The following KIF18A variants were observed in gnomAD, a reference collection of about 807,000 sequenced individuals.
KIF18A encodes the protein kinesin-like protein KIF18A.
In KIF18A, 67 loss-of-function variants were observed where a neutral mutation model predicts 103.3. That is an observed-to-expected ratio of 0.65 (90% CI 0.53 to 0.79). The LOEUF is 0.79. Ranked by LOEUF, KIF18A falls within the 30% of genes least tolerant of loss-of-function variation. The pLI is 0.00. For missense variants in KIF18A, 1,032 were observed against 1,062.5 expected, an observed-to-expected ratio of 0.97 and a Z score of 0.40; for synonymous variants, 367 against 355.5, an observed-to-expected ratio of 1.03 and a Z score of -0.36.
chr11:28,082,416 A>G (rs942798639), intron 9 of KIF18A, among the ~76,000 whole-genome samples: 6 of 152,148 alleles, frequency 3.9e-5, no homozygotes, highest in Non-Finnish European at 8.8e-5. Flanking sequence ...GTCAGATGCC[A>G]TAAACATTGA....
At chr11:28,069,711 A>G (rs1273551063) in intron 10 of KIF18A, among the ~76,000 whole-genome samples, 1 of 151,408 alleles carries the variant, frequency 6.6e-6, no homozygotes, top group African/African-American at 2.4e-5. Context: ...TTTTGGCGTT[A>G]AAGTACAGTC....
Position 28,094,725 on chromosome 11 carries a change from T to C in KIF18A, c.401A>G (p.Tyr134Cys). Residue 134 changes from tyrosine (Y) to cysteine (C), a missense_variant, in exon 3 of 17, where the codon TAT becomes TGT. By Grantham distance (194) the Tyr-to-Cys change is radical. Coordinates refer to ENST00000263181, the MANE Select transcript of KIF18A (RefSeq NM_031217.4). ...LGSADEPGVM[Y>C]LTMLHLYKCM... is the part of the protein sequence containing the mutation. ...TTTGTAAAGGTGTAACATTGTTAGA[T>C]ACATCACTCCAGGTTCATCAGCTGA... 1 of 1,613,420 alleles carries C rather than the reference T, an allele frequency of 6.2e-7. No individual in the cohort carries two copies. Among genetic ancestry groups the C allele is most frequent in the Non-Finnish European group, 8.5e-7 (1 of 1,179,360 alleles).
intron 13 of KIF18A, among the ~76,000 whole-genome samples, chr11:28,042,250 A>G (rs778915329): frequency 1.3e-5 from 2 of 151,600 alleles, no homozygotes; most frequent in Non-Finnish European, 1.5e-5. Context: ...AATGAAGTTC[A>G]CCTCCTAGGA....
rs775297730 is a variant in KIF18A, at chr11:28,097,748, T to C, written c.200A>G (p.Lys67Arg). The change falls in exon 2 of 17, where the codon AAA (lysine) becomes AGA (arginine). Residue 67 changes from lysine (K) to arginine (R), a missense_variant. Transcript: ENST00000263181. ...TACAAATTTAAGATCCTTATTTTGTTTCTTTATAACATTTTGATTTGTAGT... is the reference window on the plus strand; with the variant it reads ...TACAAATTTAAGATCCTTATTTTGTCTCTTTATAACATTTTGATTTGTAGT... ...KKTTNQNVIKKQNKDLKFVFD... is the reference protein window; with the variant it reads ...KKTTNQNVIKRQNKDLKFVFD... 70 of 1,611,376 alleles carry C rather than the reference T, an allele frequency of 4.3e-5. 2 individuals are homozygous for C. The South Asian group carries it at 7.0e-4, about 16-fold the overall frequency.
In KIF18A at chr11:28,036,204, TA is replaced by T; in HGVS notation, c.2396+12del. ...TTAAAAAAAAAGAATTGGCAAATAT[TA>T]TTTTTTTGTACCGTTGTAAAATGTC... is the stretch of plus-strand genomic sequence containing the variant. On this transcript the variant is annotated intron_variant, in intron 14 of 16. Transcript: ENST00000263181. 6.6e-7 allele frequency: 1 copy of T among 1,514,128 alleles called. No individual in the cohort carries two copies. Among genetic ancestry groups the T allele is most frequent in the South Asian group, 1.3e-5 (1 of 78,142 alleles). 93.8% of individuals were successfully genotyped at this position (1,514,128 alleles called of 1,614,324 possible). A position where few individuals can be genotyped will look rare whatever the true frequency, so the allele number is the denominator to read the frequency against.
chr11:28,061,646 T>C (rs1010502155), intron 12 of KIF18A, among the ~76,000 whole-genome samples: 7 of 152,130 alleles, frequency 4.6e-5, no homozygotes, highest in Non-Finnish European at 2.9e-5. Context: ...CTGAAGTTTT[T>C]CATTTTTCTT....
In KIF18A at chr11:28,036,261, G is replaced by A. The variant is rs201624190; in HGVS notation, c.2352C>T (p.Pro784=). Residue 784 remains proline (P), a synonymous_variant, in exon 14 of 17, where the codon CCC becomes CCT. Transcript: ENST00000263181. ...TATCATTTGGTAGTGATTCTTGTTC[G>A]GGTAATTTACACTTCGAGCTCTTGA... ...EDIKSSKCKL[P]EQESLPNDNK... The A allele has an allele frequency of 2.3e-5, 37 of 1,606,220 alleles. No homozygotes were observed. The East Asian group carries it at 2.7e-4, about 12-fold the overall frequency.
At chr11:28,062,203 T>G (rs961062174) in intron 12 of KIF18A, among the ~76,000 whole-genome samples, 192 bp downstream of exon 12, 1 of 152,120 alleles carries the variant, frequency 6.6e-6, no homozygotes, top group Non-Finnish European at 1.5e-5. Context: ...AAAAACACTT[T>G]CAAATTTATA....
intron 11 of KIF18A, among the ~76,000 whole-genome samples, chr11:28,065,473 T>G (rs1341438350): frequency 1.3e-5 from 2 of 152,056 alleles, no homozygotes; most frequent in Admixed American, 6.6e-5. Context: ...CATTCAGGTG[T>G]ACAAAAGTTC....
intron 3 of KIF18A, 151 bp from the exon 4 acceptor site, chr11:28,091,664 T>C: frequency 2.1e-6 from 1 of 474,902 alleles, no homozygotes. Flanking sequence ...CGATCTCATG[T>C]TGCCATTAAT....
chr11:28,021,757 T>C (rs1224462890), intron 16 of KIF18A, among the ~76,000 whole-genome samples: 10 of 152,218 alleles, frequency 6.6e-5, no homozygotes. Context: ...TTTTTTCTTT[T>C]ACTGCCACCT....
chr11:28,105,175 C>T (rs1851489126), intron 1 of KIF18A, among the ~76,000 whole-genome samples: 1 of 152,050 alleles, frequency 6.6e-6, no homozygotes, highest in South Asian at 2.1e-4. Context: ...GTCATAACAA[C>T]CTATGACATA....
chr11:28,070,732 G>A (rs899672709), intron 10 of KIF18A, among the ~76,000 whole-genome samples: 2 of 152,222 alleles, frequency 1.3e-5, no homozygotes, highest in Non-Finnish European at 2.9e-5. Flanking sequence ...GCGCTAGGAT[G>A]AGAATTGTGA....
chr11:28,071,092 T>C (rs1361960538), intron 10 of KIF18A, among the ~76,000 whole-genome samples: 1 of 152,136 alleles, frequency 6.6e-6, no homozygotes, highest in Non-Finnish European at 1.5e-5. Context: ...AAGAATGCTA[T>C]CATGCAAAGG....
chr11:28,042,135 G>A (rs754814534), intron 13 of KIF18A, among the ~76,000 whole-genome samples: 2 of 151,718 alleles, frequency 1.3e-5, no homozygotes, highest in Non-Finnish European at 2.9e-5. Context: ...ATTCAGAGAC[G>A]ATGAGTGTTA....
chr11:28,083,261 T>G lies in KIF18A; in HGVS notation c.1075-18A>C. On this transcript the variant is annotated intron_variant, in intron 7 of 16. Coordinates refer to ENST00000263181, the MANE Select transcript of KIF18A (RefSeq NM_031217.4). ...CTCTTCAACTGTTGAAAGATAGAAA[T>G]TATGATTGTTTATAGAGAGATAATA... 1 of 1,544,628 alleles carries G rather than the reference T, an allele frequency of 6.5e-7. No individual in the cohort carries two copies. Among genetic ancestry groups the G allele is most frequent in the Admixed American group, 2.4e-5 (1 of 40,940 alleles).
intron 9 of KIF18A, among the ~76,000 whole-genome samples, chr11:28,078,100 A>G (rs1851119083): frequency 6.6e-6 from 1 of 152,164 alleles, no homozygotes; most frequent in African/African-American, 2.4e-5. Context: ...ATAAAGTAAA[A>G]TCAAGTACAT....
At chr11:28,033,285 T>A (rs560102066) in intron 15 of KIF18A, among the ~76,000 whole-genome samples, 2 of 151,530 alleles carry the variant, frequency 1.3e-5, no homozygotes, top group Non-Finnish European at 3.0e-5. Context: ...ACAACCACTA[T>A]AAAGAAAAGT....
intron 6 of KIF18A, among the ~76,000 whole-genome samples, chr11:28,087,445 G>A (rs574898287): frequency 7.2e-5 from 11 of 152,268 alleles, no homozygotes; most frequent in African/African-American, 2.6e-4. Flanking sequence ...GCATAGTATT[G>A]CATGGTGTAT....
Sources: allele counts gnomAD v4.1 joint callset (sites outside exome capture counted in the v4.1 genomes callset), GRCh38; gene constraint gnomAD v4.1.1; transcripts MANE v1.5; gene names NCBI Gene and HGNC (gene_info 2026-07-23, HGNC 2026-07-21).